The following OAS2 variants were observed in gnomAD, a reference collection of about 807,000 sequenced individuals.
OAS2 encodes 2'-5'-oligoadenylate synthetase 2.
OAS2 carries 67 observed loss-of-function variants against 71.3 expected under a neutral mutation model. The observed-to-expected ratio is 0.94, with a 90% CI of 0.77 to 1.15. OAS2 has a LOEUF of 1.15. Among genes scored for constraint, OAS2 ranks in the 50% most tolerant of loss-of-function variants. The pLI, the probability that OAS2 is intolerant of heterozygous loss-of-function variation, is 0.00. For synonymous variants in OAS2, 327 were observed against 321.8 expected (o/e 1.02, Z -0.17); for missense variants, 789 against 822.5 (o/e 0.96, Z 0.50).
At position 113,010,543 on chromosome 12, in the gene OAS2, T is replaced by A; in HGVS notation, c.*1288T>A. 1.3e-6 allele frequency: 2 copies of A among 1,590,856 alleles called. No homozygotes were observed. The highest frequency in any genetic ancestry group is 1.7e-6 in the Non-Finnish European group (2 of 1,172,548). ...TCACCGTGAGAAAGAGTCACTCACATCCATTCTTCCCTTGATGGTCCCTAT... is the reference window on the plus strand; with the variant it reads ...TCACCGTGAGAAAGAGTCACTCACAACCATTCTTCCCTTGATGGTCCCTAT... On this transcript the variant is annotated 3_prime_UTR_variant, in exon 10 of 10. Coordinates refer to ENST00000392583, the MANE Select transcript of OAS2 (RefSeq NM_002535.3).
chr12:112,998,469 C>T, intron 5 of OAS2, 59 bp downstream of exon 5: 2 of 1,560,754 alleles, frequency 1.3e-6, no homozygotes, highest in South Asian at 2.4e-5. Flanking sequence ...TCCTGACACC[C>T]AGGCTAGGTC....
chr12:112,998,542 G>A, intron 5 of OAS2, 132 bp downstream of exon 5: 1 of 1,008,470 alleles, frequency 9.9e-7, no homozygotes, highest in Non-Finnish European at 1.4e-6. Context: ...CAACACAGAT[G>A]GCTTAAAGCC....
chr12:113,009,476 C>T lies in OAS2; in HGVS notation c.*221C>T. The T allele has an allele frequency of 7.8e-7, 1 of 1,280,046 alleles. No individual in the cohort carries two copies. Among genetic ancestry groups the T allele is most frequent in the Non-Finnish European group, 9.9e-7 (1 of 1,013,112 alleles). 79.3% of individuals were successfully genotyped at this position (1,280,046 alleles called of 1,614,324 possible). On this transcript the variant is annotated 3_prime_UTR_variant, in exon 10 of 10. Coordinates refer to ENST00000392583, the MANE Select transcript of OAS2 (RefSeq NM_002535.3). Reference sequence around the variant, plus strand: ...CTGCGCAGCATCCCTAGTCTCTACCCAGTAGATGCCACTAGCCCTCCTCTC... The same window carrying T: ...CTGCGCAGCATCCCTAGTCTCTACCTAGTAGATGCCACTAGCCCTCCTCTC...
intron 2 of OAS2, among the ~76,000 whole-genome samples, chr12:112,991,440 G>A (rs896431582): frequency 3.3e-5 from 5 of 152,230 alleles, no homozygotes; most frequent in Admixed American, 2.0e-4. Context: ...TGCCCAAGGC[G>A]CTCAGAGCAC....
intron 1 of OAS2, among the ~76,000 whole-genome samples, chr12:112,980,355 A>G (rs1399125651): frequency 1.3e-5 from 2 of 152,166 alleles, no homozygotes. Context: ...TATCCCTTCT[A>G]TCTAACTGTA....
In OAS2 at chr12:113,010,467, T is replaced by C; in HGVS notation, c.*1212T>C. ...AAGCCATAGAATCCTGAATAATAAT[T>C]CTAAAAGAAACTTCTAGAGATCATC... On this transcript the variant is annotated 3_prime_UTR_variant, in exon 10 of 10. Coordinates refer to ENST00000392583, the MANE Select transcript of OAS2 (RefSeq NM_002535.3). 6.2e-7 allele frequency: 1 copy of C among 1,613,558 alleles called. No homozygotes were observed. Among genetic ancestry groups the C allele is most frequent in the South Asian group, 1.1e-5 (1 of 91,004 alleles).
At chr12:112,997,093 C>G (rs1254528477) in intron 3 of OAS2, among the ~76,000 whole-genome samples, 1 of 152,140 alleles carries the variant, frequency 6.6e-6, no homozygotes, top group Non-Finnish European at 1.5e-5. Flanking sequence ...TCTTTTGACT[C>G]TAACTTCCTT....
rs1046050014 is a variant in OAS2, at chr12:112,995,586, A to G, written c.627+112A>G. 1.2e-5 allele frequency: 12 copies of G among 1,034,720 alleles called. No individual in the cohort carries two copies. In the Admixed American group the frequency reaches 1.9e-4, roughly 17 times the overall value. 64.1% of individuals were successfully genotyped at this position (1,034,720 alleles called of 1,614,324 possible). A position where few individuals can be genotyped will look rare whatever the true frequency, so the allele number is the denominator to read the frequency against. On this transcript the variant is annotated intron_variant, in intron 3 of 9. Coordinates refer to ENST00000392583, the MANE Select transcript of OAS2 (RefSeq NM_002535.3). ...GTATACAGCTCAACGCATTTTTTAC[A>G]ATCTTACCAGCAACACCCAAATCAA...
chr12:112,980,187 T>C (rs1021585728), intron 1 of OAS2, among the ~76,000 whole-genome samples: 2 of 152,228 alleles, frequency 1.3e-5, no homozygotes, highest in Non-Finnish European at 2.9e-5. Context: ...ATGGATACAA[T>C]GTGAAATGAT....
At chr12:112,993,962 TGG>T (rs60033508) in intron 2 of OAS2, among the ~76,000 whole-genome samples, 119,965 of 150,874 alleles carry the variant, frequency 0.8, 48,599 homozygotes, top group East Asian at 1. Context: ...TGTTTTTTTG[TGG>T]GGGGGGGAGG....
intron 2 of OAS2, chr12:112,988,810 G>A (rs1340295573): frequency 2.5e-6 from 2 of 808,438 alleles, no homozygotes; most frequent in African/African-American, 1.9e-5. Flanking sequence ...ACCATACTCT[G>A]TACCTGCCTT....
intron 2 of OAS2, among the ~76,000 whole-genome samples, chr12:112,989,816 G>A (rs1360457320): frequency 6.6e-6 from 1 of 151,930 alleles, no homozygotes; most frequent in Non-Finnish European, 1.5e-5. Flanking sequence ...TCAGATGACT[G>A]GGGGTGCTTA....
In OAS2 at chr12:112,986,985, T is replaced by A. The variant is rs890472078; in HGVS notation, c.178-53T>A. 3.5e-5 allele frequency: 54 copies of A among 1,545,408 alleles called. No homozygotes were observed. In the East Asian group the frequency reaches 1.2e-3, roughly 34 times the overall value. On this transcript the variant is annotated intron_variant, in intron 1 of 9. Transcript: ENST00000392583. The stretch of plus-strand genomic sequence containing the variant: ...GAGAAATACCACTGCCTGCTAGAGA[T>A]CCCTGTAACCCCAGAATCTAGTGTC...
chr12:112,998,156 G>A, intron 4 of OAS2, 110 bp from the exon 5 acceptor site: 1 of 1,201,810 alleles, frequency 8.3e-7, no homozygotes, highest in Non-Finnish European at 1.2e-6. Flanking sequence ...GGAGCTGCAG[G>A]AATCCAAATT....
chr12:112,994,502 A>C (rs1430846330), intron 2 of OAS2, among the ~76,000 whole-genome samples: 2 of 152,132 alleles, frequency 1.3e-5, no homozygotes, highest in African/African-American at 4.8e-5. Flanking sequence ...GCCCAGTGCA[A>C]CATCCACCTC....
intron 7 of OAS2, among the ~76,000 whole-genome samples, chr12:113,005,903 A>AACAACAACAAC (rs2044328056): frequency 2.1e-5 from 1 of 46,628 alleles, no homozygotes; most frequent in Non-Finnish European, 3.4e-5. Context: ...AAAAAGCAAA[A>AACAACAACAAC]AACAACAACA....
At chr12:113,004,126 G>A (rs1038080749) in intron 6 of OAS2, among the ~76,000 whole-genome samples, 18 of 152,326 alleles carry the variant, frequency 1.2e-4, no homozygotes, top group African/African-American at 4.3e-4. Context: ...CTCTGCTTAG[G>A]CCAGAGGAAG....
At chr12:113,001,469 T>C (rs61941180) in intron 5 of OAS2, among the ~76,000 whole-genome samples, 12 of 128,340 alleles carry the variant, frequency 9.4e-5, no homozygotes, top group African/African-American at 3.4e-4. Context: ...CATATATACA[T>C]ATATACACAT....
Position 113,009,315 on chromosome 12 carries a change from G to T in OAS2, c.*60G>T. ...CTTGAATCAAAGAACTTCTCCTACT[G>T]TAGCAACCTGAAATTAACTCAGACA... On this transcript the variant is annotated 3_prime_UTR_variant, in exon 10 of 10. Coordinates refer to ENST00000392583, the MANE Select transcript of OAS2 (RefSeq NM_002535.3). 6.3e-7 allele frequency: 1 copy of T among 1,575,260 alleles called. No individual in the cohort carries two copies. The highest frequency in any genetic ancestry group is 8.6e-7 in the Non-Finnish European group (1 of 1,163,194).
Sources: gnomAD v4.1 joint callset for allele counts (sites outside exome capture counted in the v4.1 genomes callset) on GRCh38, gnomAD v4.1.1 for gene constraint, MANE v1.5 for transcripts, NCBI Gene and HGNC (gene_info 2026-07-23, HGNC 2026-07-21) for gene names.